The following DNAH9 variants were observed in gnomAD, a reference collection of about 807,000 sequenced individuals.
DNAH9 encodes dynein axonemal heavy chain 9.
A neutral mutation model predicts 471.6 loss-of-function variants in DNAH9; 345 were observed. The ratio of observed to expected loss-of-function variants is 0.73; its 90% CI spans 0.67 to 0.80. The LOEUF (loss-of-function observed/expected upper bound fraction) is 0.80, where lower values mean the gene tolerates loss of function less well. Among genes scored for constraint, DNAH9 ranks in the 30% least tolerant of loss-of-function variants. DNAH9 has a pLI of 0.00. For missense variants in DNAH9, 5,407 were observed against 5,609.2 expected, an observed-to-expected ratio of 0.96 and a Z score of 1.15; for synonymous variants, 2,093 against 2,123.6, an observed-to-expected ratio of 0.99 and a Z score of 0.40.
intron 68 of DNAH9, among the ~76,000 whole-genome samples, chr17:11,965,481 TG>T (rs1976624654): frequency 6.6e-6 from 1 of 152,212 alleles, no homozygotes; most frequent in Admixed American, 6.5e-5. Context: ...AAACAAACCC[TG>T]GCAAGAGAGA....
intron 45 of DNAH9, among the ~76,000 whole-genome samples, chr17:11,820,408 TA>T (rs796218207): frequency 0.025 from 3,626 of 147,116 alleles, 142 homozygotes; most frequent in African/African-American, 0.084. Context: ...GCCAATCTGA[TA>T]AAAAAAAAAT....
chr17:11,696,908 C>T (rs942564602), intron 22 of DNAH9, among the ~76,000 whole-genome samples: 1 of 151,996 alleles, frequency 6.6e-6, no homozygotes, highest in Non-Finnish European at 1.5e-5. Context: ...CTTGCTCTGT[C>T]ACCCAGGCTG....
intron 68 of DNAH9, among the ~76,000 whole-genome samples, chr17:11,963,966 A>G (rs909260375): frequency 5.9e-5 from 9 of 152,198 alleles, no homozygotes; most frequent in Non-Finnish European, 1.2e-4. Context: ...AAGCTAGGAA[A>G]GGTATGGGAT....
At chr17:11,653,113 A>C (rs757059126) in intron 14 of DNAH9, 111 bp downstream of exon 14, 59 of 1,163,452 alleles carry the variant, frequency 5.1e-5, no homozygotes, top group East Asian at 1.9e-4. Flanking sequence ...TGTCTTCCGA[A>C]GACAAGGATA....
At chr17:11,900,520 T>A (rs990611844) in intron 59 of DNAH9, among the ~76,000 whole-genome samples, 21 of 71,974 alleles carry the variant, frequency 2.9e-4, no homozygotes, top group African/African-American at 7.0e-4. Context: ...AAAAAAAAAA[T>A]TCCCTTTCCT....
chr17:11,749,093 T>G (rs985439275), intron 32 of DNAH9, among the ~76,000 whole-genome samples: 5 of 74,084 alleles, frequency 6.7e-5, no homozygotes, highest in African/African-American at 2.2e-4. Context: ...TTTGTTTTTT[T>G]TTTTTTTTTG....
At chr17:11,744,091 T>C (rs1199379411) in intron 30 of DNAH9, among the ~76,000 whole-genome samples, 3 of 152,076 alleles carry the variant, frequency 2.0e-5, no homozygotes, top group Non-Finnish European at 4.4e-5. Context: ...GCCTCCCAAA[T>C]TGCTGGGATT....
chr17:11,630,874 G>A (rs2073053213), intron 7 of DNAH9, among the ~76,000 whole-genome samples: 1 of 152,138 alleles, frequency 6.6e-6, no homozygotes, highest in Admixed American at 6.5e-5. Context: ...GTGTATACAT[G>A]TATCAAAATA....
chr17:11,619,832 TC>T lies in DNAH9; in HGVS notation c.1350+53del, dbSNP rs749288204. The stretch of plus-strand genomic sequence containing the variant: ...GCCAGCCCCAGACAGAAAGAAGCAG[TC>T]CAGGGGTCCAAAAAGTGGAATAGGA... On this transcript the variant is annotated intron_variant, in intron 6 of 68. Coordinates refer to ENST00000262442, the MANE Select transcript of DNAH9 (RefSeq NM_001372.4). 16 of 1,063,592 alleles carry T rather than the reference TC, an allele frequency of 1.5e-5. No homozygotes were observed. The African/African-American group carries it at 1.7e-4, about 11-fold the overall frequency. 65.9% of individuals were successfully genotyped at this position (1,063,592 alleles called of 1,614,324 possible).
At chr17:11,908,797 G>C (rs1385024883) in intron 61 of DNAH9, among the ~76,000 whole-genome samples, 1 of 152,194 alleles carries the variant, frequency 6.6e-6, no homozygotes, top group East Asian at 1.9e-4. Flanking sequence ...CCACAAGGAA[G>C]AGTCTTTGAT....
intron 19 of DNAH9, 94 bp from the exon 20 acceptor site, chr17:11,689,472 G>C: frequency 9.5e-7 from 1 of 1,052,764 alleles, no homozygotes. Context: ...AAAACACCAA[G>C]CATTTAAATA....
In DNAH9 at chr17:11,636,796, A is replaced by G. The variant is rs774506379; in HGVS notation, c.1786+12A>G. ...GGAAGCAGAACTTGGTAGGCTTGTT[A>G]AAGGGGATTTTGATGGGGACATTCT... On this transcript the variant is annotated intron_variant, in intron 9 of 68. Coordinates refer to ENST00000262442, the MANE Select transcript of DNAH9 (RefSeq NM_001372.4). The G allele has an allele frequency of 8.1e-6, 13 of 1,612,820 alleles. No individual in the cohort carries two copies. In the East Asian group the frequency reaches 2.7e-4, roughly 33 times the overall value.
At chr17:11,780,329 A>C (rs980928528) in intron 38 of DNAH9, among the ~76,000 whole-genome samples, 7 of 152,238 alleles carry the variant, frequency 4.6e-5, no homozygotes, top group Non-Finnish European at 1.0e-4. Flanking sequence ...CCCACCAAGG[A>C]AAATCCCACG....
intron 65 of DNAH9, among the ~76,000 whole-genome samples, chr17:11,936,358 G>A (rs3785947): frequency 0.25 from 37,395 of 152,102 alleles, 5,483 homozygotes; most frequent in Non-Finnish European, 0.33. Context: ...AGCCAGGCGC[G>A]GTGGCTCCCG....
At chr17:11,616,151 C>T (rs189364860) in intron 4 of DNAH9, among the ~76,000 whole-genome samples, 6 of 152,160 alleles carry the variant, frequency 3.9e-5, no homozygotes, top group Admixed American at 3.3e-4. Flanking sequence ...TTGGTTGTTT[C>T]ATGGGAGGGC....
At chr17:11,688,147 T>G (rs2074272819) in intron 19 of DNAH9, among the ~76,000 whole-genome samples, 1 of 149,620 alleles carries the variant, frequency 6.7e-6, no homozygotes, top group Non-Finnish European at 1.5e-5. Flanking sequence ...TAGGGTCTTA[T>G]GTTGGGGAAA....
intron 41 of DNAH9, among the ~76,000 whole-genome samples, chr17:11,785,792 T>C (rs1968846863): frequency 6.6e-6 from 1 of 152,226 alleles, no homozygotes; most frequent in Admixed American, 6.5e-5. Context: ...TCTAGGTCTT[T>C]GGGTTCCTGG....
At chr17:11,922,402 C>A (rs1974166966) in intron 61 of DNAH9, among the ~76,000 whole-genome samples, 1 of 152,148 alleles carries the variant, frequency 6.6e-6, no homozygotes, top group African/African-American at 2.4e-5. Flanking sequence ...TGGTATTATA[C>A]ATTTTTATGA....
intron 44 of DNAH9, 35 bp downstream of exon 44, chr17:11,807,929 GCTTCCCTCCAAC>G: frequency 1.4e-5 from 22 of 1,572,498 alleles, no homozygotes; most frequent in Non-Finnish European, 1.8e-5. Flanking sequence ...AGGAGGCTCA[GCTTCCCTCCAAC>G]CAGCCACAGT....
Sources: gnomAD v4.1 joint callset for allele counts (sites outside exome capture counted in the v4.1 genomes callset) on GRCh38, gnomAD v4.1.1 for gene constraint, MANE v1.5 for transcripts, NCBI Gene and HGNC (gene_info 2026-07-23, HGNC 2026-07-21) for gene names.